Variants in SLC35D1 observed in about 807,000 individuals in gnomAD.
SLC35D1 encodes solute carrier family 35 member D1.
In SLC35D1, 31 loss-of-function variants were observed where a neutral mutation model predicts 46.7. The ratio of observed to expected loss-of-function variants is 0.66; its 90% confidence interval spans 0.50 to 0.90. The LOEUF is 0.90. Among genes scored for constraint, SLC35D1 ranks in the 40% least tolerant of loss-of-function variants. The probability of loss-of-function intolerance (pLI) is 0.00; values close to 1 mark genes in which losing one functional copy is unlikely to be tolerated. For synonymous variants in SLC35D1, 195 were observed against 164.6 expected, an observed-to-expected ratio of 1.18 and a Z score of -1.41; for missense variants, 397 against 426.2, an observed-to-expected ratio of 0.93 and a Z score of 0.60.
chr1:67,017,155 C>T (rs919780460), intron 10 of SLC35D1, among the ~76,000 whole-genome samples: 64 of 152,042 alleles, frequency 4.2e-4, no homozygotes, highest in Admixed American at 3.7e-3. Flanking sequence ...TATGGCCAAT[C>T]GCTATTCTTA....
At chr1:67,053,558 G>A (rs539731975) in intron 1 of SLC35D1, among the ~76,000 whole-genome samples, 7 of 152,176 alleles carry the variant, frequency 4.6e-5, no homozygotes, top group East Asian at 1.9e-4. Context: ...GGTGCGCCCA[G>A]GGCATGGCAG....
the SLC35D1 span, among the ~76,000 whole-genome samples, chr1:66,974,433 T>G: frequency 0.027 from 4,114 of 151,670 alleles, 64 homozygotes; most frequent in Non-Finnish European, 0.031. Flanking sequence ...AGGTTTTTTT[T>G]TTGTTGTTGT....
chr1:67,010,096 A>C lies in SLC35D1; in HGVS notation c.877-929T>G, dbSNP rs183543938. ...AACTAACACAGGAACAGAAAACCAA[A>C]CACCACCTGCTCTCACTTGAAAGTG... On this transcript the variant is annotated intron_variant, in intron 10 of 11. Coordinates refer to ENST00000235345, the MANE Select transcript of SLC35D1 (RefSeq NM_015139.3). Among the ~76,000 whole-genome samples, 58 of 152,282 alleles carry C rather than the reference A, an allele frequency of 3.8e-4. No individual in the cohort carries two copies. The East Asian group carries it at 8.1e-3, about 21-fold the overall frequency.
At chr1:67,006,650 A>G (rs369450113) in intron 11 of SLC35D1, among the ~76,000 whole-genome samples, 15 of 151,220 alleles carry the variant, frequency 9.9e-5, no homozygotes, top group African/African-American at 3.7e-4. Flanking sequence ...AGCCCTAATG[A>G]TAATTCCAGA....
chr1:66,985,910 G>C, the SLC35D1 span: 1 of 972,630 alleles, frequency 1.0e-6, no homozygotes, highest in Non-Finnish European at 1.2e-6. Flanking sequence ...AGTTTGTTTT[G>C]CATTTGCTAT....
In SLC35D1 at chr1:67,001,011, AG is replaced by A. The variant is rs1420842148; in HGVS notation, c.*3328del. 1 of 152,332 alleles carries A rather than the reference AG, an allele frequency of 6.6e-6. No homozygotes were observed. Among genetic ancestry groups the A allele is most frequent in the East Asian group, 1.9e-4 (1 of 5,336 alleles). The allele number at this position is 152,332 out of a possible 1,614,324, so 9.4% of individuals were successfully genotyped here. On this transcript the variant is annotated 3_prime_UTR_variant, in exon 12 of 12. Transcript: ENST00000235345. The stretch of plus-strand genomic sequence containing the variant: ...TTCATCTGTCTCCTTTCTCCCACTC[AG>A]GGTCCAGGTTTCCATATCTGGCTAA...
chr1:67,043,246 A>C (rs954472903), intron 7 of SLC35D1, among the ~76,000 whole-genome samples: 6 of 151,992 alleles, frequency 3.9e-5, no homozygotes, highest in Non-Finnish European at 7.4e-5. Context: ...GTTCCTGTAA[A>C]TCCCAGCTAC....
At position 67,020,433 on chromosome 1, in the gene SLC35D1, T is replaced by C. The variant is rs752637008; in HGVS notation, c.812A>G (p.Tyr271Cys). The change falls in exon 10 of 12, where the codon TAC (tyrosine) becomes TGC (cysteine). Residue 271 changes from tyrosine (Y) to cysteine (C), a missense_variant. Transcript: ENST00000235345. ...LSCVMGFILM[Y>C]ATVLCTQYNS... The stretch of plus-strand genomic sequence containing the variant: ...ATACTGCGTGCAGAGTACTGTGGCG[T>C]ACATTAAGATAAACCTAGAATGAAG... The C allele has an allele frequency of 2.5e-6, 4 of 1,607,428 alleles. No homozygotes were observed. In the Admixed American group the frequency reaches 5.0e-5, roughly 20 times the overall value.
chr1:67,036,811 T>C (rs1668134036), intron 8 of SLC35D1, among the ~76,000 whole-genome samples: 1 of 152,008 alleles, frequency 6.6e-6, no homozygotes, highest in Non-Finnish European at 1.5e-5. Context: ...AAGTAAGGAT[T>C]TGCTCCTGCC....
In SLC35D1 at chr1:67,050,506, TG is replaced by T. The variant is rs199880356; in HGVS notation, c.393-3del. The T allele has an allele frequency of 6.3e-3, 10,124 of 1,600,494 alleles. 478 individuals are homozygous for T. In the African/African-American group the frequency reaches 0.13, roughly 21 times the overall value. ...CTCAGAACTGTAAACATTGGCAAGC[TG>T]GAAAAAAAAAAGATAATTAGGTAAA... is the stretch of plus-strand genomic sequence containing the variant. On this transcript the variant is annotated splice_polypyrimidine_tract_variant and splice_region_variant and intron_variant, in intron 4 of 11. Transcript: ENST00000235345.
At chr1:66,976,785 T>G in the SLC35D1 span, 1 of 1,321,906 alleles carries the variant, frequency 7.6e-7, no homozygotes, top group East Asian at 2.5e-5. Flanking sequence ...TAGATTTTTC[T>G]TGAGTTAATT....
chr1:67,043,109 C>T (rs940138487), intron 7 of SLC35D1, among the ~76,000 whole-genome samples: 13 of 151,826 alleles, frequency 8.6e-5, no homozygotes, highest in Non-Finnish European at 1.5e-4. Context: ...GCGGGAGAAT[C>T]GCTTGAACTC....
Position 67,047,261 on chromosome 1 carries a change from T to G in SLC35D1, c.636+4A>C, listed in dbSNP as rs1645262051. The G allele has an allele frequency of 6.2e-7, 1 of 1,606,894 alleles. No individual in the cohort carries two copies. ...AACTGTTAAAGCTTTAGATTGCTAC[T>G]TACTTTTGAATCTAATTTTTGTTTT... On this transcript the variant is annotated splice_donor_region_variant and intron_variant, in intron 7 of 11. Transcript: ENST00000235345.
the SLC35D1 span, among the ~76,000 whole-genome samples, chr1:66,993,776 TA>T: frequency 3.8e-4 from 58 of 151,216 alleles, no homozygotes; most frequent in African/African-American, 1.1e-3. Context: ...CACAAGGTGC[TA>T]AAAAAAAATG....
chr1:66,989,874 A>G, the SLC35D1 span, among the ~76,000 whole-genome samples: 1 of 152,348 alleles, frequency 6.6e-6, no homozygotes, highest in Non-Finnish European at 1.5e-5. Context: ...GCCACTTTAA[A>G]TTCTTGACCA....
At chr1:67,012,545 C>CAAAAAAAAAAA (rs10674963) in intron 10 of SLC35D1, among the ~76,000 whole-genome samples, 4 of 103,190 alleles carry the variant, frequency 3.9e-5, no homozygotes, top group Non-Finnish European at 5.7e-5. Context: ...ACTCCTAAAT[C>CAAAAAAAAAAA]AAAAAAAAAA....
the SLC35D1 span, chr1:66,984,683 T>C: frequency 3.0e-5 from 48 of 1,614,032 alleles, no homozygotes; most frequent in South Asian, 3.4e-4. Context: ...CATGCAGATA[T>C]GGATACTAAT....
chr1:66,990,516 C>CCCAG, the SLC35D1 span, among the ~76,000 whole-genome samples: 536 of 152,154 alleles, frequency 3.5e-3, 3 homozygotes, highest in African/African-American at 0.012. Flanking sequence ...ATCCGCCTGC[C>CCCAG]CCAGCCTCCC....
At chr1:67,031,039 A>G (rs912260691) in intron 8 of SLC35D1, among the ~76,000 whole-genome samples, 19 of 152,188 alleles carry the variant, frequency 1.2e-4, no homozygotes, top group African/African-American at 4.3e-4. Flanking sequence ...TCTACACTGA[A>G]TGTTACATTT....
Sources: allele counts gnomAD v4.1 joint callset (sites outside exome capture counted in the v4.1 genomes callset), GRCh38; gene constraint gnomAD v4.1.1; transcripts MANE v1.5; gene names NCBI Gene and HGNC (gene_info 2026-07-23, HGNC 2026-07-21).